Variants in TP53BP1 observed in about 807,000 individuals in gnomAD.
TP53BP1 encodes the protein tumor protein p53 binding protein 1.
TP53BP1 carries 61 observed loss-of-function variants against 200.8 expected under a neutral mutation model. The ratio of observed to expected loss-of-function variants is 0.30; its 90% CI spans 0.25 to 0.38. TP53BP1 has a LOEUF of 0.38. Ranked by LOEUF, TP53BP1 falls within the 10% of genes least tolerant of loss-of-function variation. TP53BP1 has a pLI of 1.00. For missense variants in TP53BP1, 2,144 were observed against 2,371.9 expected, an observed-to-expected ratio of 0.90 and a Z score of 2.00; for synonymous variants, 822 against 844.3, an observed-to-expected ratio of 0.97 and a Z score of 0.46.
chr15:43,477,640 T>A lies in TP53BP1; in HGVS notation c.908A>T (p.Glu303Val). ...CAAGTCTTCCTGAGTTGACAAAACC[T>A]CAGGCTCTGGTGACTTCTGAATCTG... The part of the protein sequence containing the change: ...GLQIQKSPEP[E>V]VLSTQEDLFD... The change falls in exon 8 of 28, where the codon GAG becomes GTG. Residue 303 changes from glutamate to valine, a missense_variant. This residue lies in a region of TP53BP1 where 1,700 missense variants were observed against 1,710.3 expected (regional missense o/e 0.99). Coordinates refer to ENST00000382044, the MANE Select transcript of TP53BP1 (RefSeq NM_001141980.3). 1 of 1,613,780 alleles carries A rather than the reference T, an allele frequency of 6.2e-7. No individual in the cohort carries two copies. The highest frequency in any genetic ancestry group is 8.5e-7 in the Non-Finnish European group (1 of 1,179,896).
At chr15:43,442,151 T>C (rs926209331) in intron 14 of TP53BP1, among the ~76,000 whole-genome samples, 9 of 146,394 alleles carry the variant, frequency 6.1e-5, no homozygotes, top group African/African-American at 2.0e-4. Context: ...AGTGGCGCAA[T>C]CTCGGCTCAC....
Position 43,457,035 on chromosome 15 carries a change from T to C in TP53BP1, c.1573A>G (p.Ser525Gly), listed in dbSNP as rs2046314815. The change falls in exon 12 of 28, where the codon AGT becomes GGT. Residue 525 changes from serine (S) to glycine (G), a missense_variant. Ser to Gly is a moderately conservative substitution (Grantham distance 56). Transcript: ENST00000382044. Reference sequence around the variant, plus strand: ...ATCTTTGGGGACTGACTATATTCACTTGTAGAAAGCATCAACTTGCAAGAA... The same window carrying C: ...ATCTTTGGGGACTGACTATATTCACCTGTAGAAAGCATCAACTTGCAAGAA... ...GDSCKLMLSTSEYSQSPKMES... is the reference protein window; with the variant it reads ...GDSCKLMLSTGEYSQSPKMES... 5 of 1,614,094 alleles carry C rather than the reference T, an allele frequency of 3.1e-6. No homozygotes were observed. Among genetic ancestry groups the C allele is most frequent in the Non-Finnish European group, 4.2e-6 (5 of 1,180,036 alleles).
chr15:43,469,955 G>T lies in TP53BP1; in HGVS notation c.1292C>A (p.Ser431Tyr). The T allele has an allele frequency of 6.2e-7, 1 of 1,614,030 alleles. No individual in the cohort carries two copies. Among genetic ancestry groups the T allele is most frequent in the Non-Finnish European group, 8.5e-7 (1 of 1,180,018 alleles). ...TGTTGAGGCTTGTGGTGATACAGTG[G>T]ACTCAGGCAGGAGAGGGGGGTTTTC... ...ELENPPLLPE[S>Y]TVSPQASTPI... is the part of the protein sequence containing the mutation. The change falls in exon 11 of 28, where the codon TCC becomes TAC. Residue 431 changes from serine to tyrosine, a missense_variant. Coordinates refer to ENST00000382044, the MANE Select transcript of TP53BP1 (RefSeq NM_001141980.3).
chr15:43,491,233 A>G (rs1201548251), intron 4 of TP53BP1, among the ~76,000 whole-genome samples: 1 of 151,982 alleles, frequency 6.6e-6, no homozygotes. Flanking sequence ...GGCACGCACC[A>G]CCAGGCCCAG....
At chr15:43,458,044 A>G (rs2046342604) in intron 11 of TP53BP1, among the ~76,000 whole-genome samples, 1 of 152,054 alleles carries the variant, frequency 6.6e-6, no homozygotes, top group Admixed American at 6.6e-5. Flanking sequence ...TAATACTAAT[A>G]ATAATAAATA....
At position 43,441,667 on chromosome 15, in the gene TP53BP1, C is replaced by T. The variant is rs975159800; in HGVS notation, c.3041-84G>A. Reference sequence around the variant, plus strand: ...ACACCTAAACCTTCACTCTGCTCTACTAGTATTTGCAAAAAATAACAAAAA... The same window carrying T: ...ACACCTAAACCTTCACTCTGCTCTATTAGTATTTGCAAAAAATAACAAAAA... On this transcript the variant is annotated intron_variant, in intron 14 of 27. Transcript: ENST00000382044. 9.8e-6 allele frequency: 8 copies of T among 819,886 alleles called. No homozygotes were observed. The African/African-American group carries it at 1.0e-4, about 11-fold the overall frequency. 50.8% of individuals were successfully genotyped at this position (819,886 alleles called of 1,614,324 possible).
In TP53BP1 at chr15:43,406,445, C is replaced by T; in HGVS notation, c.*938G>A. 1.1e-5 allele frequency: 4 copies of T among 351,456 alleles called. No individual in the cohort carries two copies. Among genetic ancestry groups the T allele is most frequent in the South Asian group, 9.1e-5 (4 of 43,814 alleles). The allele number at this position is 351,456 out of a possible 1,614,324, so 21.8% of individuals were successfully genotyped here. A position where few individuals can be genotyped will look rare whatever the true frequency, so the allele number is the denominator to read the frequency against. On this transcript the variant is annotated 3_prime_UTR_variant, in exon 28 of 28. Coordinates refer to ENST00000382044, the MANE Select transcript of TP53BP1 (RefSeq NM_001141980.3). ...GCAGGAGCTGGCAAACTATGGCCTG[C>T]TGTCTGTTTTTGTACAGTTTTACTG...
intron 13 of TP53BP1, 58 bp from the exon 14 acceptor site, chr15:43,446,648 A>C: frequency 6.3e-7 from 1 of 1,586,896 alleles, no homozygotes; most frequent in Non-Finnish European, 8.6e-7. Context: ...AAACACAAAA[A>C]ACAGCAATTC....
At chr15:43,495,495 T>TCATACACA (rs2079176955), upstream of TP53BP1, among the ~76,000 whole-genome samples, 1 of 133,352 alleles carries the variant, frequency 7.5e-6, no homozygotes, top group African/African-American at 2.8e-5. Context: ...TGAGACTCCG[T>TCATACACA]CACACACACA....
At chr15:43,495,461 T>C (rs1228814069), upstream of TP53BP1, among the ~76,000 whole-genome samples, 3 of 147,596 alleles carry the variant, frequency 2.0e-5, no homozygotes, top group Non-Finnish European at 4.4e-5. Context: ...ATCGTGCCAC[T>C]GCACTCCAGC....
chr15:43,492,180 C>A, intron 2 of TP53BP1, 85 bp from the exon 3 acceptor site: 1 of 1,507,690 alleles, frequency 6.6e-7, no homozygotes. Flanking sequence ...TTTTTCCAAT[C>A]AACTTTATTG....
chr15:43,428,274 G>A (rs574833866), intron 17 of TP53BP1, 106 bp from the exon 18 acceptor site: 58 of 973,492 alleles, frequency 6.0e-5, no homozygotes, highest in Non-Finnish European at 8.3e-5. Flanking sequence ...CATGAATCTA[G>A]TGTGACAGAA....
chr15:43,477,738 G>T lies in TP53BP1; in HGVS notation c.810C>A (p.Ser270Arg). 1 of 1,609,966 alleles carries T rather than the reference G, an allele frequency of 6.2e-7. No homozygotes were observed. The highest frequency in any genetic ancestry group is 8.5e-7 in the Non-Finnish European group (1 of 1,178,440). Residue 270 changes from serine (S) to arginine (R), a missense_variant, in exon 8 of 28, where the codon AGC becomes AGA. By Grantham distance (110) the Ser-to-Arg change is moderately radical. Around this residue, in one of 4 missense-constraint regions of TP53BP1, gnomAD observed 1,700 missense variants for 1,710.3 expected, o/e 0.99. Transcript: ENST00000382044. ...PPARSEDMPF[S>R]PKASVAAMEA... ...CCATAGCAGCAACAGATGCTTTGGG[G>T]CTAAAAGGCATGTCCTCTGACCTAG...
chr15:43,479,980 T>C lies in TP53BP1; in HGVS notation c.537A>G (p.Glu179=), dbSNP rs149932648. 6.2e-7 allele frequency: 1 copy of C among 1,613,774 alleles called. No individual in the cohort carries two copies. The highest frequency in any genetic ancestry group is 1.7e-5 in the Admixed American group (1 of 59,982). The part of the protein sequence containing the change: ...ASSQLGFGVL[E]LSQSQDVEEN... ...CCTCAACATCCTGGCTCTGGGAGAG[T>C]TCCAGAACCCCAAAACCCAACTGTG... The change falls in exon 6 of 28, where the codon GAA becomes GAG. Residue 179 remains glutamate, a synonymous_variant. Transcript: ENST00000382044.
chr15:43,426,203 G>C (rs2045527150), intron 18 of TP53BP1, among the ~76,000 whole-genome samples: 1 of 151,976 alleles, frequency 6.6e-6, no homozygotes, highest in Admixed American at 6.6e-5. Context: ...CAGCACTTTG[G>C]GAGGCCAAGG....
At chr15:43,435,267 C>CAAAAAAAAAAA (rs377275791) in intron 16 of TP53BP1, among the ~76,000 whole-genome samples, 1 of 55,680 alleles carries the variant, frequency 1.8e-5, no homozygotes, top group African/African-American at 8.5e-5. Flanking sequence ...GACCCCATCT[C>CAAAAAAAAAAA]AAAAAAAAAA....
intron 11 of TP53BP1, among the ~76,000 whole-genome samples, chr15:43,468,040 C>T (rs1053065260): frequency 6.6e-6 from 1 of 152,074 alleles, no homozygotes; most frequent in Admixed American, 6.6e-5. Flanking sequence ...CTGCCTCGGC[C>T]TCCCAAAGTG....
At chr15:43,422,966 C>A (rs2045440271) in intron 18 of TP53BP1, among the ~76,000 whole-genome samples, 1 of 151,484 alleles carries the variant, frequency 6.6e-6, no homozygotes, top group African/African-American at 2.4e-5. Flanking sequence ...TGTACTCCAG[C>A]CTAGGTAATA....
At chr15:43,415,980 C>A (rs2045257640) in intron 22 of TP53BP1, among the ~76,000 whole-genome samples, 171 bp from the exon 23 acceptor site, 1 of 152,110 alleles carries the variant, frequency 6.6e-6, no homozygotes, top group African/African-American at 2.4e-5. Context: ...TTTGCCATGA[C>A]TGAAATGTGT....
Sources: gnomAD v4.1 joint callset for allele counts (sites outside exome capture counted in the v4.1 genomes callset) on GRCh38, gnomAD v4.1.1 for gene constraint, gnomAD v4.1.1 regional missense constraint, MANE v1.5 for transcripts, NCBI Gene and HGNC (gene_info 2026-07-23, HGNC 2026-07-21) for gene names.